CDH10: variants seen among roughly 807,000 people sequenced by gnomAD.
CDH10 encodes cadherin-10.
Under a neutral mutation model 73.1 loss-of-function variants are expected in CDH10, and 30 were observed. That is an observed-to-expected ratio of 0.41 (90% CI 0.31 to 0.56). The LOEUF (loss-of-function observed/expected upper bound fraction) is 0.56. Among genes scored for constraint, CDH10 ranks in the 20% least tolerant of loss-of-function variants. The pLI, the probability that CDH10 is intolerant of heterozygous loss-of-function variation, is 0.27. For missense variants in CDH10, 815 were observed against 973.7 expected (o/e 0.84, Z 2.17); for synonymous variants, 345 against 348.2 (o/e 0.99, Z 0.10).
intron 2 of CDH10, among the ~76,000 whole-genome samples, chr5:24,537,946 T>C (rs1327921378): frequency 1.3e-5 from 2 of 152,024 alleles, no homozygotes; most frequent in Non-Finnish European, 1.5e-5. Flanking sequence ...AAATATTCAT[T>C]TTTATGGGCA....
chr5:24,622,798 C>T (rs906805549), intron 1 of CDH10, among the ~76,000 whole-genome samples: 8 of 152,090 alleles, frequency 5.3e-5, no homozygotes, highest in Non-Finnish European at 1.0e-4. Context: ...GGAAACAACC[C>T]TCTAATGTCA....
rs149767394 is a variant in CDH10, at chr5:24,609,466, C to T, written c.-123-15853G>A. Among the ~76,000 whole-genome samples the T allele has an allele frequency of 2.1e-4, 32 of 152,140 alleles. No individual in the cohort carries two copies. The East Asian group carries it at 5.8e-3, about 28-fold the overall frequency. ...AGATGTGACTCAGAGTAACAGAACA[C>T]AATTTGGAAGGGAGGGAGGAAAAGA... On this transcript the variant is annotated intron_variant, in intron 1 of 11. Coordinates refer to ENST00000264463, the MANE Select transcript of CDH10 (RefSeq NM_006727.5).
intron 2 of CDH10, among the ~76,000 whole-genome samples, chr5:24,589,634 G>A (rs1038101714): frequency 2.6e-5 from 4 of 151,724 alleles, no homozygotes; most frequent in African/African-American, 9.7e-5. Flanking sequence ...TTAGTGATTT[G>A]CTTAGAACTG....
intron 1 of CDH10, among the ~76,000 whole-genome samples, chr5:24,643,860 G>A (rs1748133031): frequency 6.6e-6 from 1 of 152,078 alleles, no homozygotes; most frequent in African/African-American, 2.4e-5. Context: ...CTTGCAATAT[G>A]CTGCATTAAT....
chr5:24,559,723 G>A (rs1409198626), intron 2 of CDH10, among the ~76,000 whole-genome samples: 1 of 152,016 alleles, frequency 6.6e-6, no homozygotes. Flanking sequence ...GATTGAAAAT[G>A]ATGCTTTGAA....
chr5:24,582,547 C>A (rs564901728), intron 2 of CDH10, among the ~76,000 whole-genome samples: 113 of 152,038 alleles, frequency 7.4e-4, no homozygotes, highest in South Asian at 1.5e-3. Context: ...CATTTCCTGG[C>A]CTGGGGAGAG....
rs577254757 is a variant in CDH10 at position 24,538,729 on chromosome 5, T to A, written c.232-1055A>T. 2.1e-4 allele frequency among the ~76,000 whole-genome samples: 32 copies of A among 152,200 alleles called. No homozygotes were observed. In the South Asian group the frequency reaches 5.0e-3, roughly 24 times the overall value. ...AAACCTAGAAGCAAGCTCCGGAATG[T>A]TTGGGCAGGAAATAATGGGCCCAAT... On this transcript the variant is annotated intron_variant, in intron 2 of 11. Coordinates refer to ENST00000264463, the MANE Select transcript of CDH10 (RefSeq NM_006727.5).
intron 2 of CDH10, among the ~76,000 whole-genome samples, chr5:24,539,427 T>G (rs1357590185): frequency 6.6e-6 from 1 of 151,966 alleles, no homozygotes; most frequent in Non-Finnish European, 1.5e-5. Flanking sequence ...AAATAAAATT[T>G]TATGTGTATT....
intron 2 of CDH10, among the ~76,000 whole-genome samples, chr5:24,549,442 A>G (rs1744464009): frequency 6.6e-6 from 1 of 152,216 alleles, no homozygotes; most frequent in Non-Finnish European, 1.5e-5. Flanking sequence ...GGACATAGAG[A>G]AAACTATGAA....
At chr5:24,605,162 C>T (rs1216818078) in intron 1 of CDH10, among the ~76,000 whole-genome samples, 1 of 152,150 alleles carries the variant, frequency 6.6e-6, no homozygotes, top group Non-Finnish European at 1.5e-5. Context: ...CCGCAATGCA[C>T]ACCACTACAT....
intron 2 of CDH10, among the ~76,000 whole-genome samples, chr5:24,567,948 C>T (rs927753171): frequency 6.6e-6 from 1 of 151,920 alleles, no homozygotes; most frequent in Non-Finnish European, 1.5e-5. Flanking sequence ...TCAATGATGT[C>T]TCAAATTTAG....
intron 5 of CDH10, among the ~76,000 whole-genome samples, chr5:24,523,490 GACAAA>G (rs945931835): frequency 3.1e-4 from 47 of 152,090 alleles, no homozygotes; most frequent in African/African-American, 7.0e-4. Context: ...TCCCGAAAGA[GACAAA>G]ACAAAAGAAA....
At chr5:24,607,031 A>C (rs1172963914) in intron 1 of CDH10, among the ~76,000 whole-genome samples, 1 of 152,170 alleles carries the variant, frequency 6.6e-6, no homozygotes, top group Non-Finnish European at 1.5e-5. Flanking sequence ...ATATTTTTTT[A>C]ATCTCTATAA....
At chr5:24,524,844 A>C (rs10063577) in intron 5 of CDH10, among the ~76,000 whole-genome samples, 3,494 of 152,238 alleles carry the variant, frequency 0.023, 142 homozygotes, top group African/African-American at 0.078. Flanking sequence ...TCATCCTGAT[A>C]CTGACAACCT....
intron 10 of CDH10, 106 bp from the exon 11 acceptor site, chr5:24,491,933 A>T: frequency 1.5e-6 from 1 of 657,144 alleles, no homozygotes; most frequent in South Asian, 2.5e-5. Context: ...TGTAAAATAT[A>T]AAATTGATAT....
chr5:24,491,510 C>T (rs558559217), intron 11 of CDH10, 66 bp downstream of exon 11: 3 of 1,433,162 alleles, frequency 2.1e-6, no homozygotes, highest in Middle Eastern at 1.9e-4. Flanking sequence ...ATTTTAATAG[C>T]CACAATTCTT....
At chr5:24,630,580 A>C (rs1417031728) in intron 1 of CDH10, among the ~76,000 whole-genome samples, 3 of 151,442 alleles carry the variant, frequency 2.0e-5, no homozygotes, top group Non-Finnish European at 4.4e-5. Flanking sequence ...TATCAAGAAT[A>C]TCTTAAGGAA....
At chr5:24,593,661 T>C (rs1045356399) in intron 1 of CDH10, 48 bp from the exon 2 acceptor site, 6 of 545,680 alleles carry the variant, frequency 1.1e-5, no homozygotes, top group Admixed American at 7.1e-5. Flanking sequence ...AACATTATCA[T>C]TATTACTTTT....
At chr5:24,496,916 T>C (rs1742312781) in intron 9 of CDH10, among the ~76,000 whole-genome samples, 1 of 152,184 alleles carries the variant, frequency 6.6e-6, no homozygotes, top group Non-Finnish European at 1.5e-5. Context: ...TCTAACAAAC[T>C]GGTCTTATTA....
Sources: gnomAD v4.1 joint callset for allele counts (sites outside exome capture counted in the v4.1 genomes callset) on GRCh38, gnomAD v4.1.1 for gene constraint, MANE v1.5 for transcripts, NCBI Gene and HGNC (gene_info 2026-07-23, HGNC 2026-07-21) for gene names.